Variants in FRMD4A observed in about 807,000 individuals in gnomAD.
The protein encoded by FRMD4A is FERM domain containing 4A, also known as FERM domain-containing protein 4A.
A neutral mutation model predicts 129.1 loss-of-function variants in FRMD4A; 29 were observed. The ratio of observed to expected loss-of-function variants is 0.22; its 90% CI spans 0.17 to 0.31. The LOEUF is 0.31. Among genes scored for constraint, FRMD4A ranks in the 10% least tolerant of loss-of-function variants. FRMD4A has a pLI of 1.00. For missense variants in FRMD4A, 1,272 were observed against 1,375.8 expected, an observed-to-expected ratio of 0.92 and a Z score of 1.19; for synonymous variants, 634 against 571.6, an observed-to-expected ratio of 1.11 and a Z score of -1.56.
rs1189012053 is a variant in FRMD4A at position 14,272,626 on chromosome 10, TG to T, written c.45+57431del. On this transcript the variant is annotated intron_variant, in intron 2 of 24. Coordinates refer to ENST00000357447, the MANE Select transcript of FRMD4A (RefSeq NM_018027.5). Reference sequence around the variant, plus strand: ...GAATTTATAAGAAAAGAGGTTTAACTGGCTCATGGTTCTGCAGGCTGTACAG... The same window carrying T: ...GAATTTATAAGAAAAGAGGTTTAACTGCTCATGGTTCTGCAGGCTGTACAG... Among the ~76,000 whole-genome samples the T allele has an allele frequency of 2.6e-5, 4 of 152,312 alleles. No homozygotes were observed. The East Asian group carries it at 7.7e-4, about 29-fold the overall frequency.
At chr10:13,940,610 C>T (rs1041110027) in intron 2 of FRMD4A, among the ~76,000 whole-genome samples, 2 of 152,134 alleles carry the variant, frequency 1.3e-5, no homozygotes, top group East Asian at 1.9e-4. Context: ...ACAGGAATGG[C>T]GCTATCACTG....
chr10:13,957,148 T>A (rs1016920104), intron 2 of FRMD4A, among the ~76,000 whole-genome samples: 2 of 152,344 alleles, frequency 1.3e-5, no homozygotes, highest in African/African-American at 4.8e-5. Flanking sequence ...CGCAGAGCTA[T>A]GTGTGGAAAG....
chr10:14,284,740 T>C (rs1309367043), intron 2 of FRMD4A, among the ~76,000 whole-genome samples: 1 of 152,242 alleles, frequency 6.6e-6, no homozygotes, highest in Non-Finnish European at 1.5e-5. Context: ...CTGTAAAACT[T>C]GTGTGGTACT....
chr10:14,249,350 T>TCAAAAAAAAAAAAAAAAAA (rs1564416620), intron 2 of FRMD4A, among the ~76,000 whole-genome samples: 2 of 121,368 alleles, frequency 1.6e-5, no homozygotes, highest in African/African-American at 5.5e-5. Flanking sequence ...AGAATCTGTC[T>TCAAAAAAAAAAAAAAAAAA]TAAAAAAAAA....
At chr10:14,034,914 T>C (rs2131666370) in intron 2 of FRMD4A, among the ~76,000 whole-genome samples, 1 of 152,322 alleles carries the variant, frequency 6.6e-6, no homozygotes, top group Middle Eastern at 3.4e-3. Context: ...AGGTGCATAG[T>C]GGAACACTGG....
chr10:14,310,610 G>A (rs1281505946), intron 2 of FRMD4A, among the ~76,000 whole-genome samples: 1 of 152,164 alleles, frequency 6.6e-6, no homozygotes, highest in Non-Finnish European at 1.5e-5. Context: ...AAAGAAACAG[G>A]CACAGGGCCG....
At chr10:13,732,350 C>G (rs907062218) in intron 12 of FRMD4A, among the ~76,000 whole-genome samples, 2 of 151,932 alleles carry the variant, frequency 1.3e-5, no homozygotes, top group African/African-American at 4.8e-5. Context: ...AGGGGTAGGT[C>G]ATATGGAAAC....
At chr10:14,267,374 C>T (rs1845015596) in intron 2 of FRMD4A, among the ~76,000 whole-genome samples, 1 of 152,130 alleles carries the variant, frequency 6.6e-6, no homozygotes, top group African/African-American at 2.4e-5. Context: ...TTATAATATC[C>T]CTGGTAAGTA....
intron 2 of FRMD4A, among the ~76,000 whole-genome samples, chr10:14,050,340 A>G (rs1834198636): frequency 6.6e-6 from 1 of 152,210 alleles, no homozygotes; most frequent in Admixed American, 6.5e-5. Flanking sequence ...TTATTACCCC[A>G]TTTTGCAGAT....
intron 16 of FRMD4A, among the ~76,000 whole-genome samples, chr10:13,673,851 C>T (rs2083736208): frequency 6.8e-6 from 1 of 146,826 alleles, no homozygotes; most frequent in East Asian, 2.0e-4. Context: ...TCACTGCTCA[C>T]TGCAGTCTCA....
At chr10:14,059,704 C>T (rs1203779392) in intron 2 of FRMD4A, among the ~76,000 whole-genome samples, 1 of 152,220 alleles carries the variant, frequency 6.6e-6, no homozygotes, top group Non-Finnish European at 1.5e-5. Flanking sequence ...ATTCCTCTGC[C>T]TGTTCAGTTG....
chr10:13,850,214 A>C (rs947692708), intron 3 of FRMD4A, among the ~76,000 whole-genome samples: 2 of 152,188 alleles, frequency 1.3e-5, no homozygotes, highest in Admixed American at 6.5e-5. Context: ...ATCTCAAAAA[A>C]AAAGAGAACC....
At chr10:13,811,018 G>T in intron 3 of FRMD4A, 110 bp from the exon 4 acceptor site, 1 of 589,880 alleles carries the variant, frequency 1.7e-6, no homozygotes, top group Non-Finnish European at 3.0e-6. Flanking sequence ...CAAAGCTCAA[G>T]TATTTTGAAG....
intron 2 of FRMD4A, among the ~76,000 whole-genome samples, chr10:13,937,455 A>G (rs375123889): frequency 7.2e-5 from 11 of 152,324 alleles, no homozygotes; most frequent in African/African-American, 2.6e-4. Context: ...CAGCCTTTAA[A>G]TGTTTTACCT....
At chr10:13,773,057 T>A (rs1323766928) in intron 6 of FRMD4A, among the ~76,000 whole-genome samples, 1 of 152,212 alleles carries the variant, frequency 6.6e-6, no homozygotes, top group Non-Finnish European at 1.5e-5. Flanking sequence ...AAATATCTTA[T>A]GTACCCCATA....
At chr10:13,867,002 C>A (rs1052335321) in intron 2 of FRMD4A, among the ~76,000 whole-genome samples, 38 of 152,254 alleles carry the variant, frequency 2.5e-4, no homozygotes, top group Non-Finnish European at 3.5e-4. Flanking sequence ...ATGGTTACTA[C>A]AGTGGAGTCA....
At chr10:13,730,666 G>C (rs540190378) in intron 12 of FRMD4A, among the ~76,000 whole-genome samples, 114 of 152,006 alleles carry the variant, frequency 7.5e-4, no homozygotes, top group Non-Finnish European at 1.2e-3. Flanking sequence ...ATATGCACAT[G>C]CTAAAATGGA....
At chr10:13,681,977 T>G (rs926168770) in intron 15 of FRMD4A, among the ~76,000 whole-genome samples, 1 of 152,224 alleles carries the variant, frequency 6.6e-6, no homozygotes, top group African/African-American at 2.4e-5. Flanking sequence ...CCAGCACTTT[T>G]GGGAGGCTGA....
intron 3 of FRMD4A, among the ~76,000 whole-genome samples, chr10:13,828,673 T>C (rs1057499753): frequency 2.0e-5 from 3 of 152,074 alleles, no homozygotes; most frequent in African/African-American, 4.8e-5. Context: ...GCTGGGATTA[T>C]AGGCATGTGC....
Sources: gnomAD v4.1 joint callset for allele counts (sites outside exome capture counted in the v4.1 genomes callset) on GRCh38, gnomAD v4.1.1 for gene constraint, MANE v1.5 for transcripts, NCBI Gene and HGNC (gene_info 2026-07-23, HGNC 2026-07-21) for gene names.